The following CHLSN variants were observed in gnomAD, a reference collection of about 807,000 sequenced individuals.
CHLSN encodes the protein cholesin, also known as protein cholesin.
chr7:1,103,009 AC>A, the CHLSN span, among the ~76,000 whole-genome samples: 1 of 151,930 alleles, frequency 6.6e-6, no homozygotes, highest in Non-Finnish European at 1.5e-5. Context: ...CTAGACCCCG[AC>A]CCCTTACCCG....
chr7:1,117,391 C>T, the CHLSN span, among the ~76,000 whole-genome samples: 2 of 106,030 alleles, frequency 1.9e-5, no homozygotes, highest in East Asian at 2.3e-4. Flanking sequence ...CCATCACCAA[C>T]GCCCACGCAG....
At chr7:1,042,633 G>A in the CHLSN span, among the ~76,000 whole-genome samples, 6 of 152,314 alleles carry the variant, frequency 3.9e-5, no homozygotes, top group East Asian at 1.2e-3. Flanking sequence ...CTGCAGATAA[G>A]GCGGTCTGCA....
At chr7:1,093,808 G>A in the CHLSN span, 7 of 404,288 alleles carry the variant, frequency 1.7e-5, no homozygotes, top group Admixed American at 8.1e-5. Flanking sequence ...TGTCATGTGC[G>A]GATCCTTCCG....
chr7:995,319 G>A, the CHLSN span, among the ~76,000 whole-genome samples: 3 of 152,206 alleles, frequency 2.0e-5, no homozygotes, highest in Admixed American at 1.3e-4. Flanking sequence ...GGCACCTTAC[G>A]ATCCACAGAG....
the CHLSN span, among the ~76,000 whole-genome samples, chr7:1,127,669 C>T: frequency 0.34 from 14,231 of 41,646 alleles, 2,489 homozygotes; most frequent in East Asian, 0.49. Context: ...TCGGCTCATC[C>T]CACCGTCACC....
the CHLSN span, among the ~76,000 whole-genome samples, chr7:1,061,474 G>A: frequency 6.6e-6 from 1 of 151,840 alleles, no homozygotes; most frequent in Non-Finnish European, 1.5e-5. Context: ...ACCCTCCACT[G>A]AGCGCCAAGG....
At chr7:1,021,409 A>G in the CHLSN span, 1 of 985,472 alleles carries the variant, frequency 1.0e-6, no homozygotes. Flanking sequence ...CAGAGTCGGA[A>G]GCTGAAGGGC....
At chr7:1,096,936 G>C in the CHLSN span, among the ~76,000 whole-genome samples, 3 of 152,152 alleles carry the variant, frequency 2.0e-5, no homozygotes, top group Admixed American at 6.5e-5. This position sits in a 1 kb window ranked among gnomAD's most constrained non-coding sequence, Gnocchi z 4.6. Context: ...CTGTGGCGGG[G>C]TGGGAAGCCA....
At chr7:1,130,483 T>C in the CHLSN span, among the ~76,000 whole-genome samples, 1 of 152,120 alleles carries the variant, frequency 6.6e-6, no homozygotes, top group Non-Finnish European at 1.5e-5. Flanking sequence ...GGCTCACTCA[T>C]GCAGGACAGC....
At chr7:1,018,875 C>T in the CHLSN span, among the ~76,000 whole-genome samples, 19,028 of 152,142 alleles carry the variant, frequency 0.13, 1,327 homozygotes, top group Middle Eastern at 0.21. Flanking sequence ...GACAAGCTCT[C>T]TGTCCCTCCC....
At chr7:987,977 TGGGGGGGTCCCCTCTGTGTGTCCTG>T in the CHLSN span, among the ~76,000 whole-genome samples, 2 of 59,130 alleles carry the variant, frequency 3.4e-5, no homozygotes, top group Non-Finnish European at 5.6e-5. Flanking sequence ...CTGTGTGTCC[TGGGGGGGTCCCCTCTGTGTGTCCTG>T]GGGGGTCCCC....
At chr7:1,101,872 C>T in the CHLSN span, among the ~76,000 whole-genome samples, 1 of 152,270 alleles carries the variant, frequency 6.6e-6, no homozygotes, top group African/African-American at 2.4e-5. Context: ...CTCCAGAAAA[C>T]GAGGCTCGCT....
the CHLSN span, among the ~76,000 whole-genome samples, chr7:1,073,140 C>G: frequency 1.8e-4 from 27 of 152,186 alleles, no homozygotes; most frequent in African/African-American, 6.3e-4. Context: ...GTCCTGAAAA[C>G]CAGGACTGGC....
At chr7:994,316 A>G in the CHLSN span, among the ~76,000 whole-genome samples, 1 of 150,874 alleles carries the variant, frequency 6.6e-6, no homozygotes, top group East Asian at 2.0e-4. Context: ...GCCCACCACC[A>G]CACCCAGCTA....
chr7:1,020,329 A>C, the CHLSN span, among the ~76,000 whole-genome samples: 1 of 152,130 alleles, frequency 6.6e-6, no homozygotes, highest in Non-Finnish European at 1.5e-5. Flanking sequence ...GGCCCCGCCC[A>C]GCACGCCCAC....
chr7:1,072,486 G>C, the CHLSN span, among the ~76,000 whole-genome samples: 1 of 152,168 alleles, frequency 6.6e-6, no homozygotes, highest in African/African-American at 2.4e-5. Context: ...TCTGCGCTTA[G>C]GCATATGATT....
At chr7:997,324 G>A in the CHLSN span, 1 of 348,574 alleles carries the variant, frequency 2.9e-6, no homozygotes, top group Non-Finnish European at 5.2e-6. Context: ...TCCTGGGGCT[G>A]GAGGGTCCCT....
At chr7:1,078,292 G>A in the CHLSN span, among the ~76,000 whole-genome samples, 3 of 151,948 alleles carry the variant, frequency 2.0e-5, no homozygotes, top group East Asian at 1.9e-4. Context: ...CCTGGAGAGC[G>A]TATATTTTCA....
At chr7:1,136,405 TATAA>T in the CHLSN span, among the ~76,000 whole-genome samples, 3 of 116,054 alleles carry the variant, frequency 2.6e-5, no homozygotes, top group African/African-American at 1.2e-4. Context: ...TATAAATATA[TATAA>T]ACATATATAT....
Sources: allele counts gnomAD v4.1 joint callset (sites outside exome capture counted in the v4.1 genomes callset), GRCh38; gene constraint gnomAD v4.1.1; non-coding constraint Gnocchi (gnomAD v3.1); transcripts MANE v1.5; gene names NCBI Gene and HGNC (gene_info 2026-07-23, HGNC 2026-07-21).